The following FOXO1 variants were observed in gnomAD, a reference collection of about 807,000 sequenced individuals.
FOXO1 encodes forkhead box protein O1.
In FOXO1, 6 loss-of-function variants were observed where a neutral mutation model predicts 44.1. The ratio of observed to expected loss-of-function variants is 0.14; its 90% CI spans 0.07 to 0.27. The LOEUF (loss-of-function observed/expected upper bound fraction) is 0.27, where lower values mean the gene tolerates loss of function less well. Among genes scored for constraint, FOXO1 ranks in the 10% least tolerant of loss-of-function variants. The pLI, the probability that FOXO1 is intolerant of heterozygous loss-of-function variation, is 1.00. For missense variants in FOXO1, 737 were observed against 888.8 expected (o/e 0.83, Z 2.17); for synonymous variants, 380 against 362.7 (o/e 1.05, Z -0.54).
At chr13:40,586,446 T>A (rs1593389191) in intron 1 of FOXO1, among the ~76,000 whole-genome samples, 1 of 152,028 alleles carries the variant, frequency 6.6e-6, no homozygotes, top group Non-Finnish European at 1.5e-5. Context: ...GAGACCCCAA[T>A]CCCATCAAGA....
intron 1 of FOXO1, among the ~76,000 whole-genome samples, chr13:40,656,458 C>T (rs1877863615): frequency 6.6e-6 from 1 of 152,172 alleles, no homozygotes. Context: ...GACACTGGGC[C>T]TCACTGAAGT....
chr13:40,660,305 C>G (rs1877994866), intron 1 of FOXO1, among the ~76,000 whole-genome samples: 1 of 152,148 alleles, frequency 6.6e-6, no homozygotes, highest in African/African-American at 2.4e-5. Context: ...TTTACACTGC[C>G]TTTCCAAGAG....
chr13:40,652,764 A>G (rs1291819553), intron 1 of FOXO1, among the ~76,000 whole-genome samples: 1 of 152,198 alleles, frequency 6.6e-6, no homozygotes, highest in Non-Finnish European at 1.5e-5. Flanking sequence ...TAGCTAAACC[A>G]TATGCAAACC....
chr13:40,599,707 C>G (rs1875748663), intron 1 of FOXO1, among the ~76,000 whole-genome samples: 1 of 152,094 alleles, frequency 6.6e-6, no homozygotes, highest in African/African-American at 2.4e-5. Context: ...GAGGGAGTGC[C>G]CCTCCTCCGG....
At position 40,666,017 on chromosome 13, in the gene FOXO1, C is replaced by A; in HGVS notation, c.196G>T (p.Val66Phe). Reference sequence around the variant, plus strand: ...AGGTTGCTCATGAAGTCGGCGCTGACAGCGGCAGCCGAGGCCGAGGGCAGG... The same window carrying A: ...AGGTTGCTCATGAAGTCGGCGCTGAAAGCGGCAGCCGAGGCCGAGGGCAGG... ...AGLPSASAAA[V>F]SADFMSNLSL... The change falls in exon 1 of 3, where the codon GTC becomes TTC. Residue 66 changes from valine to phenylalanine, a missense_variant. Transcript: ENST00000379561. 2 of 1,273,366 alleles carry A rather than the reference C, an allele frequency of 1.6e-6. No homozygotes were observed. Among genetic ancestry groups the A allele is most frequent in the Admixed American group, 4.2e-5 (1 of 23,630 alleles). The allele number at this position is 1,273,366 out of a possible 1,614,324, so 78.9% of individuals were successfully genotyped here.
At chr13:40,650,973 T>A (rs1877661693) in intron 1 of FOXO1, among the ~76,000 whole-genome samples, 3 of 152,208 alleles carry the variant, frequency 2.0e-5, no homozygotes. Context: ...CAGGCTGATC[T>A]CAAACTCCTA....
chr13:40,628,389 A>C (rs559692682), intron 1 of FOXO1, among the ~76,000 whole-genome samples: 29 of 148,704 alleles, frequency 2.0e-4, no homozygotes, highest in African/African-American at 6.3e-4. Context: ...ACACACACAC[A>C]CCCCGTGAGG....
At chr13:40,561,418 G>A (rs183281932) in intron 1 of FOXO1, among the ~76,000 whole-genome samples, 3 of 150,572 alleles carry the variant, frequency 2.0e-5, no homozygotes, top group East Asian at 3.9e-4. Context: ...AAAGAGTATT[G>A]TAAATACCTT....
At chr13:40,590,171 G>A (rs1459494903) in intron 1 of FOXO1, among the ~76,000 whole-genome samples, 2 of 152,142 alleles carry the variant, frequency 1.3e-5, no homozygotes, top group Non-Finnish European at 2.9e-5. Flanking sequence ...GTCCAAGAAT[G>A]ACTATTCTGG....
chr13:40,633,253 G>A (rs1183209860), intron 1 of FOXO1, among the ~76,000 whole-genome samples: 1 of 152,070 alleles, frequency 6.6e-6, no homozygotes, highest in African/African-American at 2.4e-5. Context: ...TCATTCCTAG[G>A]TATATACCCA....
chr13:40,648,611 T>A (rs1311680669), intron 1 of FOXO1, among the ~76,000 whole-genome samples: 1 of 152,144 alleles, frequency 6.6e-6, no homozygotes, highest in African/African-American at 2.4e-5. Context: ...CCTGTCTTCC[T>A]CTGCCGAAGG....
intron 1 of FOXO1, among the ~76,000 whole-genome samples, chr13:40,615,624 T>G (rs1876399145): frequency 6.6e-6 from 1 of 152,084 alleles, no homozygotes; most frequent in Non-Finnish European, 1.5e-5. Flanking sequence ...GAGGAGGCTG[T>G]GATTATCAAC....
In FOXO1 at chr13:40,569,902, C is replaced by T. The variant is rs530827487; in HGVS notation, c.631-9042G>A. On this transcript the variant is annotated intron_variant, in intron 1 of 2. Transcript: ENST00000379561. ...CTGGGATTACAGGCCTGCACCACTG[C>T]ACCTGGACTGATGACAAATTATATC... Among the ~76,000 whole-genome samples the T allele has an allele frequency of 1.1e-4, 16 of 152,218 alleles. No homozygotes were observed. The South Asian group carries it at 2.7e-3, about 26-fold the overall frequency.
At chr13:40,562,064 T>A (rs1004877810) in intron 1 of FOXO1, among the ~76,000 whole-genome samples, 1 of 151,786 alleles carries the variant, frequency 6.6e-6, no homozygotes, top group Non-Finnish European at 1.5e-5. Flanking sequence ...TACAAGTGAA[T>A]GTAAGGAAAA....
intron 1 of FOXO1, among the ~76,000 whole-genome samples, chr13:40,658,484 TGA>T (rs1244194783): frequency 6.6e-6 from 1 of 152,116 alleles, no homozygotes; most frequent in Non-Finnish European, 1.5e-5. Context: ...ATGCTGGATT[TGA>T]GATAAAAGTG....
At chr13:40,571,721 G>A (rs1053612233) in intron 1 of FOXO1, among the ~76,000 whole-genome samples, 4 of 152,170 alleles carry the variant, frequency 2.6e-5, no homozygotes, top group Admixed American at 6.6e-5. Context: ...CTCATTTGAC[G>A]CTGAAGTAAT....
chr13:40,627,914 T>C (rs979192790), intron 1 of FOXO1, among the ~76,000 whole-genome samples: 2 of 152,004 alleles, frequency 1.3e-5, no homozygotes, highest in Non-Finnish European at 2.9e-5. Flanking sequence ...ACTATTCTTG[T>C]TCTCTGGAAA....
At chr13:40,659,927 T>C (rs1034584336) in intron 1 of FOXO1, among the ~76,000 whole-genome samples, 1 of 152,208 alleles carries the variant, frequency 6.6e-6, no homozygotes, top group African/African-American at 2.4e-5. Flanking sequence ...CAAGTAGTAA[T>C]ACCTACAAAA....
intron 1 of FOXO1, among the ~76,000 whole-genome samples, chr13:40,575,547 G>A (rs1874712665): frequency 6.6e-6 from 1 of 152,102 alleles, no homozygotes; most frequent in Admixed American, 6.5e-5. Context: ...GAAAATCTGT[G>A]GGCCTACCTA....
Sources: gnomAD v4.1 joint callset for allele counts (sites outside exome capture counted in the v4.1 genomes callset) on GRCh38, gnomAD v4.1.1 for gene constraint, MANE v1.5 for transcripts, NCBI Gene and HGNC (gene_info 2026-07-23, HGNC 2026-07-21) for gene names.